The following APTX variants were observed in gnomAD, a reference collection of about 807,000 sequenced individuals.
APTX encodes forkhead-associated domain histidine triad-like protein.
In APTX, 33 loss-of-function variants were observed where a neutral mutation model predicts 42.3. The observed-to-expected ratio is 0.78, with a 90% CI of 0.59 to 1.04. The LOEUF (loss-of-function observed/expected upper bound fraction) is 1.04. Among genes scored for constraint, APTX ranks in the 50% least tolerant of loss-of-function variants. The pLI, the probability that APTX is intolerant of heterozygous loss-of-function variation, is 0.00. For synonymous variants in APTX, 130 were observed against 146.7 expected (o/e 0.89, Z 0.82); for missense variants, 421 against 415.1 (o/e 1.01, Z -0.12).
intron 1 of APTX, among the ~76,000 whole-genome samples, chr9:32,996,241 T>A (rs1834896632): frequency 6.6e-6 from 1 of 151,590 alleles, no homozygotes; most frequent in Non-Finnish European, 1.5e-5. Context: ...ACCCTTCAAG[T>A]ATAATATACT....
At chr9:32,986,051 A>AG (rs766036772) in intron 4 of APTX, 21 bp from the exon 5 acceptor site, 4 of 669,122 alleles carry the variant, frequency 6.0e-6, no homozygotes, top group Non-Finnish European at 8.8e-6. Context: ...AACAAAAAAA[A>AG]AAACAAAAAA....
intron 1 of APTX, among the ~76,000 whole-genome samples, chr9:33,007,253 A>G (rs1837226038): frequency 6.6e-6 from 1 of 152,178 alleles, no homozygotes; most frequent in African/African-American, 2.4e-5. Context: ...TAGTGAAAGG[A>G]AGATAAGGAG....
intron 1 of APTX, chr9:33,020,170 A>G: frequency 3.3e-6 from 1 of 301,542 alleles, no homozygotes; most frequent in East Asian, 5.4e-5. Flanking sequence ...TTGTAAACTA[A>G]AGAAAAAAGT....
chr9:32,996,664 T>C (rs555587904), intron 1 of APTX, among the ~76,000 whole-genome samples: 131 of 152,356 alleles, frequency 8.6e-4, no homozygotes, highest in Admixed American at 3.0e-3. Flanking sequence ...AAAGCCTTCA[T>C]TGAGCTGTCT....
chr9:32,994,370 T>G (rs12377044), intron 1 of APTX, among the ~76,000 whole-genome samples: 10,713 of 152,210 alleles, frequency 0.07, 504 homozygotes, highest in Non-Finnish European at 0.11. Context: ...CCCTCAGGCC[T>G]GAAGTTAAGC....
chr9:33,020,935 C>G (rs1430336086), intron 1 of APTX, among the ~76,000 whole-genome samples: 1 of 152,066 alleles, frequency 6.6e-6, no homozygotes, highest in African/African-American at 2.4e-5. Flanking sequence ...TTCAAGACAG[C>G]CTGGCCAACA....
rs772606177 is a variant in APTX at position 32,986,056 on chromosome 9, A to AC, written c.484-27_484-26insG. The AC allele has an allele frequency of 1.0e-3, 818 of 806,710 alleles. 2 individuals are homozygous for AC. The highest frequency in any genetic ancestry group is 2.7e-3 in the African/African-American group (99 of 36,458). The allele number at this position is 806,710 out of a possible 1,614,324, so 50.0% of individuals were successfully genotyped here. A position where few individuals can be genotyped will look rare whatever the true frequency, so the allele number is the denominator to read the frequency against. ...CTAAAAAAAAAACAAAAAAAAAAAC[A>AC]AAAAAAAAAAAAAACAAGCAATGTA... On this transcript the variant is annotated intron_variant, in intron 4 of 7. Coordinates refer to ENST00000379817, the MANE Select transcript of APTX (RefSeq NM_001195248.2).
chr9:33,013,623 G>A (rs976754639), intron 1 of APTX, among the ~76,000 whole-genome samples: 9 of 151,992 alleles, frequency 5.9e-5, no homozygotes, highest in South Asian at 2.1e-4. Context: ...TGGCTAACAC[G>A]GTGAAACCCC....
At chr9:32,986,053 AACAAAAAAAAAAAAAAACAAGCAATGT>A in intron 4 of APTX, 23 bp from the exon 5 acceptor site, 4 of 672,284 alleles carry the variant, frequency 5.9e-6, no homozygotes, top group Non-Finnish European at 8.7e-6. Flanking sequence ...CAAAAAAAAA[AACAAAAAAAAAAAAAAACAAGCAATGT>A]AAATTACAAA....
chr9:32,981,910 A>G (rs142338975), intron 6 of APTX, among the ~76,000 whole-genome samples: 504 of 152,268 alleles, frequency 3.3e-3, no homozygotes, highest in African/African-American at 0.012. Flanking sequence ...AAGATGCACC[A>G]ATAGATGCTA....
At chr9:33,003,170 T>C (rs148401786), upstream of APTX, among the ~76,000 whole-genome samples, 765 of 152,312 alleles carry the variant, frequency 5.0e-3, 5 homozygotes, top group Non-Finnish European at 7.5e-3. Flanking sequence ...AAAAGTTGGA[T>C]TGGATCATTC....
At position 32,972,766 on chromosome 9, in the gene APTX, A is replaced by G. The variant is rs1828355784; in HGVS notation, c.*732T>C. 2.2e-6 allele frequency: 1 copy of G among 454,114 alleles called. No homozygotes were observed. The highest frequency in any genetic ancestry group is 4.4e-6 in the Non-Finnish European group (1 of 226,786). 28.1% of individuals were successfully genotyped at this position (454,114 alleles called of 1,614,324 possible). On this transcript the variant is annotated 3_prime_UTR_variant, in exon 8 of 8. Coordinates refer to ENST00000379817, the MANE Select transcript of APTX (RefSeq NM_001195248.2). ...CCACCTACTTAAGAGAGATGCCTCA[A>G]ACAAATTAACTTTATTTTCAGACAA...
chr9:33,003,852 C>T (rs140742343), upstream of APTX, among the ~76,000 whole-genome samples: 76 of 152,318 alleles, frequency 5.0e-4, no homozygotes, highest in Middle Eastern at 3.4e-3. Context: ...CTTTTTAAAG[C>T]TGAATAACAC....
chr9:32,982,820 G>A (rs1830993875), intron 6 of APTX, among the ~76,000 whole-genome samples: 1 of 152,286 alleles, frequency 6.6e-6, no homozygotes, highest in East Asian at 1.9e-4. Context: ...GATTATGGGT[G>A]ACTTTCCCTC....
chr9:32,973,369 G>A lies in APTX; in HGVS notation c.*129C>T, dbSNP rs759930657. 1.8e-6 allele frequency: 2 copies of A among 1,115,316 alleles called. No homozygotes were observed. The highest frequency in any genetic ancestry group is 2.7e-6 in the Non-Finnish European group (2 of 742,658). The allele number at this position is 1,115,316 out of a possible 1,614,324, so 69.1% of individuals were successfully genotyped here. ...TCTACATTGTGGCCACTCAATAATA[G>A]AATAAATTTGTGAAAAAGCTGCATG... On this transcript the variant is annotated 3_prime_UTR_variant, in exon 8 of 8. Transcript: ENST00000379817.
rs1057519198 is a variant in APTX, at chr9:32,988,099, T to A, written c.164A>T (p.Tyr55Phe). 6.2e-7 allele frequency: 1 copy of A among 1,614,174 alleles called. No homozygotes were observed. The highest frequency in any genetic ancestry group is 8.5e-7 in the Non-Finnish European group (1 of 1,179,992). ...VQLKAECNKG[Y>F]VKVKQVGVNP... Reference sequence around the variant, plus strand: ...TACACCTACCTGCTTTACCTTGACATATCCCTTGTTACACTCTGCTTTCAA... The same window carrying A: ...TACACCTACCTGCTTTACCTTGACAAATCCCTTGTTACACTCTGCTTTCAA... Residue 55 changes from tyrosine to phenylalanine, a missense_variant, in exon 3 of 8, where the codon TAT becomes TTT. Tyr to Phe is a conservative substitution (Grantham distance 22). Coordinates refer to ENST00000379817, the MANE Select transcript of APTX (RefSeq NM_001195248.2).
At chr9:33,016,821 C>A (rs944339713) in intron 1 of APTX, among the ~76,000 whole-genome samples, 1 of 152,198 alleles carries the variant, frequency 6.6e-6, no homozygotes, top group African/African-American at 2.4e-5. Context: ...AATCACCAGA[C>A]TGTGTAGTGC....
chr9:33,013,073 T>C (rs1366093616), intron 1 of APTX, among the ~76,000 whole-genome samples: 1 of 152,232 alleles, frequency 6.6e-6, no homozygotes, highest in Non-Finnish European at 1.5e-5. Context: ...ATCAATATTT[T>C]AGTAAATCAA....
upstream of APTX, among the ~76,000 whole-genome samples, chr9:33,004,092 AAAG>A (rs1836949009): frequency 3.3e-5 from 5 of 152,380 alleles, no homozygotes; most frequent in South Asian, 1.0e-3. Context: ...ACTCAGCCAT[AAAG>A]AAGAATGAAA....
Sources: gnomAD v4.1 joint callset for allele counts (sites outside exome capture counted in the v4.1 genomes callset) on GRCh38, gnomAD v4.1.1 for gene constraint, MANE v1.5 for transcripts, NCBI Gene and HGNC (gene_info 2026-07-23, HGNC 2026-07-21) for gene names.